Variants in MAGED1 observed in about 807,000 individuals in gnomAD.
MAGED1 encodes MAGE family member D1.
In MAGED1, 3 loss-of-function variants were observed where a neutral mutation model predicts 54.1. That is an observed-to-expected ratio of 0.06 (90% CI 0.03 to 0.14). The LOEUF is 0.14. Ranked by LOEUF, MAGED1 falls within the 10% of genes least tolerant of loss-of-function variation. The probability of loss-of-function intolerance (pLI) is 1.00; values close to 1 mark genes in which losing one functional copy is unlikely to be tolerated. For synonymous variants in MAGED1, 217 were observed against 227.3 expected (o/e 0.95, Z 0.41); for missense variants, 485 against 623.4 (o/e 0.78, Z 2.36).
intron 1 of MAGED1, among the ~76,000 whole-genome samples, chrX:51,838,367 A>G (rs1283803089): frequency 8.9e-6 from 1 of 112,766 alleles, no homozygotes; most frequent in Admixed American, 9.4e-5. Context: ...TGTGAAGCTG[A>G]TATTTAAAGA....
upstream of MAGED1, among the ~76,000 whole-genome samples, chrX:51,889,688 C>T (rs186018354): frequency 0.011 from 1,178 of 107,526 alleles, 21 homozygotes; most frequent in African/African-American, 0.037. Context: ...CCATTGCTGC[C>T]GCTACTGAAC....
chrX:51,852,614 TCAC>T (rs1926938889), intron 1 of MAGED1, among the ~76,000 whole-genome samples: 1 of 112,054 alleles, frequency 8.9e-6, no homozygotes, highest in Non-Finnish European at 1.9e-5. Flanking sequence ...TATTCTCAAA[TCAC>T]CATATTGCAA....
chrX:51,892,578 C>T (rs1052659221), upstream of MAGED1, among the ~76,000 whole-genome samples: 5 of 112,033 alleles, frequency 4.5e-5, no homozygotes, highest in Admixed American at 2.8e-4. Flanking sequence ...GCAATTCCCA[C>T]GCCTGGATGG....
chrX:51,860,997 A>G (rs1176450636), intron 1 of MAGED1, among the ~76,000 whole-genome samples: 1 of 110,849 alleles, frequency 9.0e-6, no homozygotes, highest in Admixed American at 9.6e-5. Flanking sequence ...AGGTCTTCTC[A>G]TGGTCATTTC....
chrX:51,875,516 A>G (rs1927835321), intron 1 of MAGED1, among the ~76,000 whole-genome samples: 1 of 111,688 alleles, frequency 9.0e-6, no homozygotes, highest in African/African-American at 3.3e-5. Flanking sequence ...TTCAAAAACC[A>G]TTATTTCATA....
chrX:51,870,033 G>A (rs1242911566), intron 1 of MAGED1, among the ~76,000 whole-genome samples: 1 of 110,961 alleles, frequency 9.0e-6, no homozygotes, highest in Non-Finnish European at 1.9e-5. Flanking sequence ...ACCGTGCTGG[G>A]CTAGGATCTC....
intron 1 of MAGED1, among the ~76,000 whole-genome samples, chrX:51,832,536 C>T (rs782128655): frequency 9.0e-6 from 1 of 110,671 alleles, no homozygotes; most frequent in African/African-American, 3.3e-5. Flanking sequence ...TTTTTAGCTT[C>T]CACATATGAA....
intron 1 of MAGED1, among the ~76,000 whole-genome samples, chrX:51,821,878 G>C (rs1243656773): frequency 8.9e-6 from 1 of 111,944 alleles, no homozygotes; most frequent in Non-Finnish European, 1.9e-5. Context: ...TGTTAGTATA[G>C]TGTATTACAC....
chrX:51,885,621 T>C (rs980371225), intron 1 of MAGED1, among the ~76,000 whole-genome samples: 1 of 111,645 alleles, frequency 9.0e-6, no homozygotes, highest in Non-Finnish European at 1.9e-5. Context: ...CATTTTTTCT[T>C]TGTTTGAGGT....
At chrX:51,872,258 T>C (rs1557361650) in intron 1 of MAGED1, among the ~76,000 whole-genome samples, 1 of 112,238 alleles carries the variant, frequency 8.9e-6, no homozygotes, top group African/African-American at 3.2e-5. Flanking sequence ...TTTCTTTTGC[T>C]GTGCAGAAGC....
At chrX:51,892,160 C>G (rs904041651), upstream of MAGED1, among the ~76,000 whole-genome samples, 5 of 112,834 alleles carry the variant, frequency 4.4e-5, no homozygotes, top group South Asian at 1.1e-3. Context: ...ATTTGAGTCA[C>G]CTCACATCTG....
At position 51,897,086 on chromosome X, in the gene MAGED1, T is replaced by C; in HGVS notation, c.1422+9T>C. 1 of 1,207,734 alleles carries C rather than the reference T, an allele frequency of 8.3e-7. No homozygotes were observed. Among genetic ancestry groups the C allele is most frequent in the Non-Finnish European group, 1.1e-6 (1 of 892,714 alleles). On this transcript the variant is annotated intron_variant, in intron 4 of 12. Transcript: ENST00000326587. ...CCCTTCTTCAGGAAAGAGTAAGAGC[T>C]GTAACTCCCCAGTCACTTTTCCCCT...
intron 1 of MAGED1, among the ~76,000 whole-genome samples, chrX:51,872,089 T>A (rs1257233241): frequency 4.5e-5 from 5 of 112,254 alleles, no homozygotes; most frequent in African/African-American, 1.6e-4. Flanking sequence ...GAAAAGTGTC[T>A]GTTCATATCC....
chrX:51,877,937 A>G (rs1275524682), intron 1 of MAGED1, among the ~76,000 whole-genome samples: 1 of 111,496 alleles, frequency 9.0e-6, no homozygotes, highest in African/African-American at 3.3e-5. Context: ...TATCTATTTT[A>G]ATTGTTGTTA....
At position 51,896,523 on chromosome X, in the gene MAGED1, G is replaced by A. The variant is rs782366877; in HGVS notation, c.868G>A (p.Ala290Thr). 34 of 1,209,834 alleles carry A rather than the reference G, an allele frequency of 2.8e-5. No individual in the cohort carries two copies. The Admixed American group carries it at 3.1e-4, about 11-fold the overall frequency. Residue 290 changes from alanine (A) to threonine (T), a missense_variant, in exon 4 of 13, where the codon GCA becomes ACA. Physicochemically the swap from Ala to Thr is moderately conservative, Grantham distance 58. Coordinates refer to ENST00000326587, the MANE Select transcript of MAGED1 (RefSeq NM_006986.4). ...AGTGACCACTCAGAACCCACCTGGC[G>A]CACCCCCCAATGTGCTCTGGCAGAC... ...VPVTTQNPPGAPPNVLWQTPL... is the reference protein window; with the variant it reads ...VPVTTQNPPGTPPNVLWQTPL...
chrX:51,812,958 A>C (rs1925278602), intron 1 of MAGED1, among the ~76,000 whole-genome samples: 1 of 99,868 alleles, frequency 1.0e-5, no homozygotes, highest in Non-Finnish European at 2.0e-5. Context: ...CAACCATCTT[A>C]GTGAGTATAT....
At chrX:51,879,378 T>C (rs1453662064) in intron 1 of MAGED1, among the ~76,000 whole-genome samples, 2 of 111,782 alleles carry the variant, frequency 1.8e-5, no homozygotes, top group African/African-American at 6.5e-5. Flanking sequence ...TCTGAGAATG[T>C]CTTTATTTCT....
chrX:51,853,114 T>G (rs1249730561), intron 1 of MAGED1, among the ~76,000 whole-genome samples: 1 of 111,743 alleles, frequency 8.9e-6, no homozygotes, highest in Non-Finnish European at 1.9e-5. Context: ...CTACTTAATC[T>G]TCTAATTAAA....
chrX:51,848,827 T>C (rs1420881344), intron 1 of MAGED1, among the ~76,000 whole-genome samples: 3 of 111,230 alleles, frequency 2.7e-5, no homozygotes, highest in African/African-American at 9.8e-5. Flanking sequence ...GCACAGGAGG[T>C]ATATATTTTA....
Sources: gnomAD v4.1 joint callset for allele counts (sites outside exome capture counted in the v4.1 genomes callset) on GRCh38, gnomAD v4.1.1 for gene constraint, MANE v1.5 for transcripts, NCBI Gene and HGNC (gene_info 2026-07-23, HGNC 2026-07-21) for gene names.